Variants in LRRC9 observed in about 807,000 individuals in gnomAD.
LRRC9 encodes the protein leucine-rich repeat-containing protein 9.
LRRC9 carries 122 observed loss-of-function variants against 63.2 expected under a neutral mutation model. The observed-to-expected ratio is 1.93, with a 90% CI of 1.67 to 2.24. The LOEUF is 2.24. Ranked by LOEUF, LRRC9 falls within the 30% of genes most tolerant of loss-of-function variation. LRRC9 has a pLI of 0.00. For missense variants in LRRC9, 1,071 were observed against 627.7 expected (o/e 1.71, Z -7.55); for synonymous variants, 366 against 213.1 (o/e 1.72, Z -6.25).
At chr14:60,014,040 A>G (rs1161561010) in intron 23 of LRRC9, among the ~76,000 whole-genome samples, 2 of 150,890 alleles carry the variant, frequency 1.3e-5, no homozygotes, top group African/African-American at 2.4e-5. Flanking sequence ...TTGAAATTCT[A>G]TTTTTATTTA....
At chr14:60,062,894 A>ATT (rs67053505) in intron 31 of LRRC9, among the ~76,000 whole-genome samples, 2,761 of 145,576 alleles carry the variant, frequency 0.019, 40 homozygotes, top group South Asian at 0.033. Flanking sequence ...AGTCCACAGT[A>ATT]TTTTTTTTTT....
At chr14:59,955,645 A>G (rs769114434) in intron 8 of LRRC9, among the ~76,000 whole-genome samples, 1 of 152,030 alleles carries the variant, frequency 6.6e-6, no homozygotes, top group Non-Finnish European at 1.5e-5. Context: ...TACCTCCTTC[A>G]GTTCTGCTCT....
In LRRC9 at chr14:60,052,382, G is replaced by C. The variant is rs113010610; in HGVS notation, c.3991-683G>C. Among the ~76,000 whole-genome samples, 14 of 152,306 alleles carry C rather than the reference G, an allele frequency of 9.2e-5. 2 individuals carry two copies. The highest frequency in any genetic ancestry group is 3.1e-4 in the African/African-American group (13 of 41,570). The stretch of plus-strand genomic sequence containing the variant: ...TGTTTTTGCCCAAGGCAGCCCAGTA[G>C]AGACTCAGCATTCAATGATTTTTTT... On this transcript the variant is annotated intron_variant, in intron 29 of 31. Transcript: ENST00000445360.
intron 17 of LRRC9, among the ~76,000 whole-genome samples, chr14:59,993,881 A>G (rs1363462121): frequency 6.6e-6 from 1 of 152,170 alleles, no homozygotes; most frequent in Admixed American, 6.5e-5. Context: ...TTAACACCCC[A>G]CTGTCAACAT....
intron 29 of LRRC9, among the ~76,000 whole-genome samples, chr14:60,044,898 C>G (rs1042515844): frequency 1.3e-5 from 2 of 152,080 alleles, no homozygotes; most frequent in African/African-American, 4.8e-5. Context: ...AAGTCCACTA[C>G]TATTATTGTG....
chr14:59,980,494 A>T (rs1886816453), intron 15 of LRRC9, among the ~76,000 whole-genome samples: 1 of 152,176 alleles, frequency 6.6e-6, no homozygotes. Context: ...CTTTTTCCAA[A>T]TAAAATTTAG....
chr14:59,997,574 T>C (rs1888931519), intron 17 of LRRC9, 82 bp from the exon 18 acceptor site: 1 of 597,552 alleles, frequency 1.7e-6, no homozygotes, highest in Non-Finnish European at 3.0e-6. Context: ...GTGTGTAAAG[T>C]ATGTAAAGAA....
chr14:60,023,885 G>A (rs1469128000), intron 27 of LRRC9, among the ~76,000 whole-genome samples: 1 of 152,114 alleles, frequency 6.6e-6, no homozygotes, highest in Non-Finnish European at 1.5e-5. Context: ...TTATGAGTGA[G>A]AACATGCAGT....
intron 31 of LRRC9, among the ~76,000 whole-genome samples, chr14:60,061,242 A>C (rs369679752): frequency 1.3e-5 from 2 of 152,298 alleles, no homozygotes; most frequent in Admixed American, 6.5e-5. Flanking sequence ...GTACACAGAA[A>C]TCTTTCATGA....
At chr14:59,970,098 G>T (rs1212325592) in intron 12 of LRRC9, among the ~76,000 whole-genome samples, 1 of 151,974 alleles carries the variant, frequency 6.6e-6, no homozygotes. Flanking sequence ...TATTTTTGCA[G>T]CTCCTCTCCT....
At chr14:59,935,610 A>G (rs1890079322) in intron 6 of LRRC9, among the ~76,000 whole-genome samples, 1 of 152,344 alleles carries the variant, frequency 6.6e-6, no homozygotes, top group East Asian at 1.9e-4. Flanking sequence ...AGAGAGAGCT[A>G]TGAACATTAA....
In LRRC9 at chr14:60,035,931, T is replaced by A. The variant is rs548214876; in HGVS notation, c.3990+3868T>A. ...CTCTGGGTAGTATTGTCATTTTTTTTAACAACAGATATTTATTTCTCACAA... is the reference window on the plus strand; with the variant it reads ...CTCTGGGTAGTATTGTCATTTTTTTAAACAACAGATATTTATTTCTCACAA... On this transcript the variant is annotated intron_variant, in intron 29 of 31. Transcript: ENST00000445360. Among the ~76,000 whole-genome samples, 6 of 145,142 alleles carry A rather than the reference T, an allele frequency of 4.1e-5. No individual in the cohort carries two copies. In the South Asian group the frequency reaches 6.7e-4, roughly 16 times the overall value.
intron 6 of LRRC9, among the ~76,000 whole-genome samples, chr14:59,934,661 C>T (rs1005411305): frequency 5.3e-5 from 8 of 152,122 alleles, no homozygotes; most frequent in Admixed American, 3.3e-4. Context: ...TGTGTGTGCA[C>T]GCATGCACGT....
intron 22 of LRRC9, among the ~76,000 whole-genome samples, chr14:60,007,681 G>T (rs939010932): frequency 1.3e-5 from 2 of 151,940 alleles, no homozygotes; most frequent in African/African-American, 4.8e-5. Context: ...AATACATTTG[G>T]CACTAGTATC....
intron 31 of LRRC9, among the ~76,000 whole-genome samples, chr14:60,061,050 C>T (rs890229124): frequency 3.3e-5 from 5 of 152,098 alleles, no homozygotes; most frequent in African/African-American, 1.2e-4. Context: ...TATGGAGGAG[C>T]AAAGAAAGTG....
At chr14:59,987,018 TATAAA>T (rs1311991804) in intron 17 of LRRC9, among the ~76,000 whole-genome samples, 1 of 152,138 alleles carries the variant, frequency 6.6e-6, no homozygotes, top group Non-Finnish European at 1.5e-5. Context: ...ATCTTTTTAT[TATAAA>T]ATAAAACACA....
At chr14:60,062,853 T>C (rs1227688989) in intron 31 of LRRC9, among the ~76,000 whole-genome samples, 1 of 151,270 alleles carries the variant, frequency 6.6e-6, no homozygotes, top group Admixed American at 6.6e-5. Flanking sequence ...CTGCACTGAC[T>C]CCTCCTGCTT....
intron 10 of LRRC9, among the ~76,000 whole-genome samples, chr14:59,961,884 A>C (rs1038644312): frequency 6.6e-6 from 1 of 152,240 alleles, no homozygotes; most frequent in African/African-American, 2.4e-5. Context: ...GCCACACAAT[A>C]GGAACTGGGT....
At chr14:60,050,803 A>C (rs1893830607) in intron 29 of LRRC9, among the ~76,000 whole-genome samples, 1 of 152,148 alleles carries the variant, frequency 6.6e-6, no homozygotes, top group South Asian at 2.1e-4. Flanking sequence ...TGTTCTTAAC[A>C]ATCAGGCCAC....
Sources: gnomAD v4.1 joint callset for allele counts (sites outside exome capture counted in the v4.1 genomes callset) on GRCh38, gnomAD v4.1.1 for gene constraint, MANE v1.5 for transcripts, NCBI Gene and HGNC (gene_info 2026-07-23, HGNC 2026-07-21) for gene names.